ALCAM: variants seen among roughly 807,000 people sequenced by gnomAD.
ALCAM encodes the protein CD166 antigen.
A neutral mutation model predicts 70.9 loss-of-function variants in ALCAM; 30 were observed. That is an observed-to-expected ratio of 0.42 (90% CI 0.32 to 0.57). The LOEUF (loss-of-function observed/expected upper bound fraction) is 0.57. ALCAM is among the 20% of genes least tolerant of loss of function. The pLI, the probability that ALCAM is intolerant of heterozygous loss-of-function variation, is 0.11. For synonymous variants in ALCAM, 249 were observed against 242.5 expected (o/e 1.03, Z -0.25); for missense variants, 591 against 695.1 (o/e 0.85, Z 1.68).
chr3:105,550,066 C>G (rs1028735929), intron 11 of ALCAM, 61 bp from the exon 12 acceptor site: 2 of 1,463,682 alleles, frequency 1.4e-6, no homozygotes, highest in Admixed American at 1.9e-5. Context: ...CATCATTACT[C>G]TTTCCTATGC....
intron 1 of ALCAM, among the ~76,000 whole-genome samples, chr3:105,465,548 T>C (rs534354085): frequency 8.3e-4 from 126 of 151,602 alleles, no homozygotes; most frequent in African/African-American, 3.0e-3. Flanking sequence ...TGGACTAGTT[T>C]GTTACCAGTT....
intron 3 of ALCAM, among the ~76,000 whole-genome samples, chr3:105,526,303 C>A (rs1215717882): frequency 4.6e-4 from 65 of 140,724 alleles, no homozygotes; most frequent in African/African-American, 1.4e-3. Flanking sequence ...AAAAAAAAAA[C>A]ATTAAGCTAT....
At chr3:105,529,322 CCTT>C (rs1939782316) in intron 3 of ALCAM, among the ~76,000 whole-genome samples, 2 of 152,072 alleles carry the variant, frequency 1.3e-5, no homozygotes, top group African/African-American at 4.8e-5. Flanking sequence ...ATTGCTTTTC[CCTT>C]CAATTCTATA....
chr3:105,534,672 T>G lies in ALCAM; in HGVS notation c.557T>G (p.Ile186Arg), dbSNP rs759871973. 1.1e-5 allele frequency: 17 copies of G among 1,613,504 alleles called. No homozygotes were observed. In the South Asian group the frequency reaches 1.8e-4, roughly 17 times the overall value. The change falls in exon 6 of 16, where the codon ATA (isoleucine) becomes AGA (arginine). Residue 186 changes from isoleucine to arginine, a missense_variant. Ile to Arg is a moderately conservative substitution (Grantham distance 97). This residue lies in a region of ALCAM where 427 missense variants were observed against 450.4 expected (regional missense o/e 0.95). Coordinates refer to ENST00000306107, the MANE Select transcript of ALCAM (RefSeq NM_001627.4). ...TCTTTATTTTCTTCAGCGGTGGTCATAATTTTTAAAAAGGAAATGGACCCA... is the reference window on the plus strand; with the variant it reads ...TCTTTATTTTCTTCAGCGGTGGTCAGAATTTTTAAAAAGGAAATGGACCCA... Reference protein sequence around the residue: ...VLHPLEGAVVIIFKKEMDPVT... With the variant: ...VLHPLEGAVVRIFKKEMDPVT...
At chr3:105,560,082 A>G (rs1195868937) in intron 14 of ALCAM, among the ~76,000 whole-genome samples, 2 of 152,096 alleles carry the variant, frequency 1.3e-5, no homozygotes, top group East Asian at 3.9e-4. Context: ...AAAACCTAGG[A>G]GTGGAATTGC....
chr3:105,414,701 A>C (rs1481393026), intron 1 of ALCAM, among the ~76,000 whole-genome samples: 1 of 152,128 alleles, frequency 6.6e-6, no homozygotes, highest in Non-Finnish European at 1.5e-5. Flanking sequence ...AAAATGAGCT[A>C]AGGGTCAGAA....
intron 14 of ALCAM, among the ~76,000 whole-genome samples, chr3:105,566,961 A>G (rs1430482974): frequency 6.6e-6 from 1 of 151,606 alleles, no homozygotes; most frequent in Non-Finnish European, 1.5e-5. Context: ...ACTTTTTTCT[A>G]CTTTCTTTTC....
intron 1 of ALCAM, among the ~76,000 whole-genome samples, chr3:105,482,387 G>T (rs1938298614): frequency 6.6e-6 from 1 of 151,978 alleles, no homozygotes; most frequent in Non-Finnish European, 1.5e-5. Flanking sequence ...TGAGATAACA[G>T]GTGTGAACCA....
intron 7 of ALCAM, among the ~76,000 whole-genome samples, chr3:105,540,681 G>C (rs566452286): frequency 6.6e-6 from 1 of 152,124 alleles, no homozygotes; most frequent in Non-Finnish European, 1.5e-5. Flanking sequence ...TCTGGAAGCA[G>C]ACAAGGAGAG....
At chr3:105,534,587 G>A in intron 5 of ALCAM, 76 bp from the exon 6 acceptor site, 3 of 1,388,280 alleles carry the variant, frequency 2.2e-6, no homozygotes, top group Non-Finnish European at 3.1e-6. Flanking sequence ...ACTTCTCAAA[G>A]GTGTGGTGCT....
chr3:105,468,473 T>C (rs1038965693), intron 1 of ALCAM, among the ~76,000 whole-genome samples: 1 of 151,282 alleles, frequency 6.6e-6, no homozygotes, highest in Non-Finnish European at 1.5e-5. Flanking sequence ...CATTCAATAA[T>C]ATTAATTTGT....
At chr3:105,544,892 T>C (rs1184853735) in intron 8 of ALCAM, 1 of 270,910 alleles carries the variant, frequency 3.7e-6, no homozygotes, top group Non-Finnish European at 7.3e-6. Flanking sequence ...ATCATCTTTA[T>C]TTTCTTCCAG....
chr3:105,392,567 C>T (rs1054926164), intron 1 of ALCAM, among the ~76,000 whole-genome samples: 2 of 150,856 alleles, frequency 1.3e-5, no homozygotes, highest in African/African-American at 4.9e-5. Flanking sequence ...TTTTTTATGC[C>T]TCTATCTCCT....
intron 14 of ALCAM, among the ~76,000 whole-genome samples, chr3:105,568,281 G>A (rs1055512622): frequency 1.3e-5 from 2 of 151,912 alleles, no homozygotes; most frequent in East Asian, 1.9e-4. Flanking sequence ...CTTTTAGTAG[G>A]GGTTTTACCA....
intron 1 of ALCAM, among the ~76,000 whole-genome samples, chr3:105,378,965 TC>T: frequency 6.6e-6 from 1 of 152,074 alleles, no homozygotes; most frequent in East Asian, 1.9e-4. Context: ...CCAGGCTTGA[TC>T]TTCATGAACT....
At chr3:105,416,197 A>T (rs1936503146) in intron 1 of ALCAM, among the ~76,000 whole-genome samples, 2 of 152,056 alleles carry the variant, frequency 1.3e-5, no homozygotes, top group South Asian at 2.1e-4. Flanking sequence ...CACTGTTTAC[A>T]TTGAAGGATA....
chr3:105,499,287 T>G (rs1938854426), intron 1 of ALCAM, among the ~76,000 whole-genome samples: 1 of 152,170 alleles, frequency 6.6e-6, no homozygotes, highest in Admixed American at 6.6e-5. Context: ...CAAGTGACTT[T>G]AGGTGAGAGG....
At chr3:105,515,534 A>G (rs1409896785) in intron 1 of ALCAM, among the ~76,000 whole-genome samples, 1 of 152,136 alleles carries the variant, frequency 6.6e-6, no homozygotes, top group Non-Finnish European at 1.5e-5. Context: ...TCTGATTTGC[A>G]TAAGGTTTGG....
intron 14 of ALCAM, chr3:105,552,856 T>A (rs1486121449): frequency 1.6e-6 from 2 of 1,215,118 alleles, no homozygotes; most frequent in Non-Finnish European, 2.1e-6. Flanking sequence ...AGTGCTTGAG[T>A]GAATTTTTTA....
Sources: gnomAD v4.1 joint callset for allele counts (sites outside exome capture counted in the v4.1 genomes callset) on GRCh38, gnomAD v4.1.1 for gene constraint, gnomAD v4.1.1 regional missense constraint, MANE v1.5 for transcripts, NCBI Gene and HGNC (gene_info 2026-07-23, HGNC 2026-07-21) for gene names.